The following CYB5RL variants were observed in gnomAD, a reference collection of about 807,000 sequenced individuals.
The protein encoded by CYB5RL is NADH-cytochrome b5 reductase-like.
Under a neutral mutation model 37.5 loss-of-function variants are expected in CYB5RL, and 38 were observed. The ratio of observed to expected loss-of-function variants is 1.01; its 90% confidence interval spans 0.78 to 1.33. CYB5RL has a LOEUF of 1.33. Ranked by LOEUF, CYB5RL falls within the 40% of genes most tolerant of loss-of-function variation. The pLI is 0.00. For missense variants in CYB5RL, 388 were observed against 394.4 expected (o/e 0.98, Z 0.14); for synonymous variants, 141 against 151.9 (o/e 0.93, Z 0.53).
intron 7 of CYB5RL, chr1:54,175,659 A>C (rs1220634637): frequency 2.2e-6 from 1 of 444,808 alleles, no homozygotes; most frequent in East Asian, 7.0e-5. Context: ...GGATTCAACC[A>C]ACTGTGGATT....
Position 54,180,085 on chromosome 1 carries a change from A to T in CYB5RL, c.541-733T>A, listed in dbSNP as rs1243095704. 10 of 443,684 alleles carry T rather than the reference A, an allele frequency of 2.3e-5. No individual in the cohort carries two copies. The East Asian group carries it at 7.0e-4, about 31-fold the overall frequency. The allele number at this position is 443,684 out of a possible 1,614,324, so 27.5% of individuals were successfully genotyped here. ...AACTCCGTCTCTACTAAAAATACAA[A>T]AATTAGCCAAGCGTGGTGGTGCACG... On this transcript the variant is annotated intron_variant, in intron 6 of 7. Transcript: ENST00000534324.
In CYB5RL at chr1:54,171,482, CA is replaced by C; in HGVS notation, c.*3136del. On this transcript the variant is annotated 3_prime_UTR_variant, in exon 8 of 8. Coordinates refer to ENST00000534324, the MANE Select transcript of CYB5RL (RefSeq NM_001031672.4). ...AGCTGGGAGACCCATGAGGGGAACA[CA>C]GAAGTGACGTTGGTAAACATGGTGA... is the stretch of plus-strand genomic sequence containing the variant. The C allele has an allele frequency of 2.2e-6, 1 of 453,858 alleles. No individual in the cohort carries two copies. Among genetic ancestry groups the C allele is most frequent in the Non-Finnish European group, 4.4e-6 (1 of 225,258 alleles). 28.1% of individuals were successfully genotyped at this position (453,858 alleles called of 1,614,324 possible).
Position 54,181,471 on chromosome 1 carries a change from T to A in CYB5RL, c.541-2119A>T, listed in dbSNP as rs538367538. Among the ~76,000 whole-genome samples the A allele has an allele frequency of 7.9e-5, 12 of 152,358 alleles. No homozygotes were observed. The South Asian group carries it at 2.5e-3, about 32-fold the overall frequency. On this transcript the variant is annotated intron_variant, in intron 6 of 7. Coordinates refer to ENST00000534324, the MANE Select transcript of CYB5RL (RefSeq NM_001031672.4). The stretch of plus-strand genomic sequence containing the variant: ...ATGCTAATATGTCAGTCTTCAGGGC[T>A]GATGTAATATCCATCTGTAACGAAG...
chr1:54,187,852 G>A, intron 4 of CYB5RL, 113 bp from the exon 5 acceptor site: 1 of 836,464 alleles, frequency 1.2e-6, no homozygotes, highest in Non-Finnish European at 2.0e-6. Flanking sequence ...GAGGTGGGCT[G>A]ATCACTTGAG....
chr1:54,188,479 C>T (rs74073239), intron 4 of CYB5RL, among the ~76,000 whole-genome samples: 155 of 152,308 alleles, frequency 1.0e-3, no homozygotes, highest in African/African-American at 3.6e-3. Context: ...TGGAAGGATC[C>T]TCAAAGGGCC....
intron 4 of CYB5RL, chr1:54,188,005 G>A: frequency 2.2e-6 from 1 of 444,756 alleles, no homozygotes; most frequent in African/African-American, 2.0e-5. Context: ...GAACCCGGGA[G>A]GTGGAGGTTT....
intron 6 of CYB5RL, among the ~76,000 whole-genome samples, chr1:54,181,238 T>C (rs1660151685): frequency 6.6e-6 from 1 of 152,178 alleles, no homozygotes; most frequent in African/African-American, 2.4e-5. Context: ...GGGAGGCTCC[T>C]TTCTTTGTGT....
chr1:54,195,288 G>T, intron 3 of CYB5RL, 131 bp downstream of exon 3: 1 of 1,112,268 alleles, frequency 9.0e-7, no homozygotes, highest in Non-Finnish European at 1.2e-6. Context: ...GCCTAGATCT[G>T]TTTGCTTCTG....
chr1:54,180,388 G>A (rs1282298136), intron 6 of CYB5RL, among the ~76,000 whole-genome samples: 1 of 151,928 alleles, frequency 6.6e-6, no homozygotes, highest in African/African-American at 2.4e-5. Context: ...GGCGGTTCAC[G>A]AGGTCAGGAG....
rs115610803 is a variant in CYB5RL, at chr1:54,184,532, C to T, written c.436-267G>A. The T allele has an allele frequency of 8.3e-3, 2,980 of 360,386 alleles. 77 individuals are homozygous for T. The highest frequency in any genetic ancestry group is 0.056 in the African/African-American group (2,685 of 48,312). The allele number at this position is 360,386 out of a possible 1,614,324, so 22.3% of individuals were successfully genotyped here. A position where few individuals can be genotyped will look rare whatever the true frequency, so the allele number is the denominator to read the frequency against. The stretch of plus-strand genomic sequence containing the variant: ...AGCATAGAGGTCCCAAACCCAAATG[C>T]CCACAGGGACCATGCAGGTACCATA... On this transcript the variant is annotated intron_variant, in intron 5 of 7. Coordinates refer to ENST00000534324, the MANE Select transcript of CYB5RL (RefSeq NM_001031672.4).
intron 7 of CYB5RL, 45 bp downstream of exon 7, chr1:54,179,104 C>T: frequency 6.3e-7 from 1 of 1,580,100 alleles, no homozygotes; most frequent in Non-Finnish European, 8.6e-7. Flanking sequence ...TGCAAAGGGA[C>T]AGCAGAGTCT....
intron 4 of CYB5RL, among the ~76,000 whole-genome samples, chr1:54,188,193 A>G (rs1345987378): frequency 6.6e-6 from 1 of 152,238 alleles, no homozygotes; most frequent in African/African-American, 2.4e-5. Flanking sequence ...TACTGGGCTC[A>G]TCCACTGCCA....
At position 54,172,097 on chromosome 1, in the gene CYB5RL, G is replaced by A. The variant is rs1362689684; in HGVS notation, c.*2522C>T. On this transcript the variant is annotated 3_prime_UTR_variant, in exon 8 of 8. Coordinates refer to ENST00000534324, the MANE Select transcript of CYB5RL (RefSeq NM_001031672.4). ...TATCTAAACATCTAAAATGAGACAA[G>A]GACAGAGATACGAGAACTGCCCCGG... 1 of 153,170 alleles carries A rather than the reference G, an allele frequency of 6.5e-6. No individual in the cohort carries two copies. Among genetic ancestry groups the A allele is most frequent in the Non-Finnish European group, 1.5e-5 (1 of 68,788 alleles). 9.5% of individuals were successfully genotyped at this position (153,170 alleles called of 1,614,324 possible).
rs374725217 is a variant in CYB5RL at position 54,179,395 on chromosome 1, G to A, written c.541-43C>T. 665 of 1,574,784 alleles carry A rather than the reference G, an allele frequency of 4.2e-4. 8 individuals carry two copies. The South Asian group carries it at 4.3e-3, about 10-fold the overall frequency. On this transcript the variant is annotated intron_variant, in intron 6 of 7. Transcript: ENST00000534324. Reference sequence around the variant, plus strand: ...TATGTATGACAGGTGGGTTGGGAGAGTCTCACCTTATCCCCTCTACTATGG... The same window carrying A: ...TATGTATGACAGGTGGGTTGGGAGAATCTCACCTTATCCCCTCTACTATGG...
chr1:54,175,322 A>G (rs1659993501), intron 7 of CYB5RL, among the ~76,000 whole-genome samples: 1 of 152,214 alleles, frequency 6.6e-6, no homozygotes, highest in South Asian at 2.1e-4. Context: ...CACTGGGGAT[A>G]TGGCAGCTGC....
intron 5 of CYB5RL, among the ~76,000 whole-genome samples, chr1:54,186,957 C>T (rs911350555): frequency 2.0e-5 from 3 of 151,894 alleles, no homozygotes; most frequent in Admixed American, 6.6e-5. Flanking sequence ...CTTAAATATT[C>T]GTAATGATTC....
intron 5 of CYB5RL, 106 bp from the exon 6 acceptor site, chr1:54,184,371 T>C (rs1660240266): frequency 2.2e-6 from 2 of 901,310 alleles, no homozygotes; most frequent in African/African-American, 1.7e-5. Context: ...GTGCTTCACA[T>C]GTGTTATCTC....
chr1:54,195,530 G>A lies in CYB5RL; in HGVS notation c.87C>T (p.Cys29=), dbSNP rs1260474181. The change falls in exon 3 of 8, where the codon TGC becomes TGT. Residue 29 remains cysteine, a synonymous_variant. Transcript: ENST00000534324. The part of the protein sequence containing the change: ...RPTEPLPSQC[C]GSGCSPCVFD... The stretch of plus-strand genomic sequence containing the variant: ...ACACACAGGGTGAGCAGCCACTGCC[G>A]CAGCACTGGGAAGGCAAGGGTTCTG... The A allele has an allele frequency of 1.5e-5, 24 of 1,613,594 alleles. No homozygotes were observed. The highest frequency in any genetic ancestry group is 2.2e-5 in the East Asian group (1 of 44,898).
In CYB5RL at chr1:54,173,368, A is replaced by G. The variant is rs1179029427; in HGVS notation, c.*1251T>C. 1.3e-5 allele frequency: 2 copies of G among 152,218 alleles called. No homozygotes were observed. Among genetic ancestry groups the G allele is most frequent in the African/African-American group, 4.8e-5 (2 of 41,450 alleles). 9.4% of individuals were successfully genotyped at this position (152,218 alleles called of 1,614,324 possible). ...CTGGAGCTGTCCTTTCACTGCTGCT[A>G]TGCAAAGAACCCTTGCTTCCTGTAG... On this transcript the variant is annotated 3_prime_UTR_variant, in exon 8 of 8. Coordinates refer to ENST00000534324, the MANE Select transcript of CYB5RL (RefSeq NM_001031672.4).
Sources: gnomAD v4.1 joint callset for allele counts (sites outside exome capture counted in the v4.1 genomes callset) on GRCh38, gnomAD v4.1.1 for gene constraint, MANE v1.5 for transcripts, NCBI Gene and HGNC (gene_info 2026-07-23, HGNC 2026-07-21) for gene names.